The following GJB4 variants were observed in gnomAD, a reference collection of about 807,000 sequenced individuals.
GJB4 encodes the protein gap junction protein beta 4, also known as gap junction beta-4 protein.
For synonymous variants in GJB4, 162 were observed against 158.1 expected (o/e 1.02, Z -0.18); for missense variants, 371 against 363.8 (o/e 1.02, Z -0.16).
Position 34,761,697 on chromosome 1 carries a change from T to A in GJB4, c.443T>A (p.Ile148Asn), listed in dbSNP as rs1557652617. The change falls in exon 2 of 2, where the codon ATC becomes AAC. Residue 148 changes from isoleucine to asparagine, a missense_variant. Physicochemically the swap from Ile to Asn is moderately radical, Grantham distance 149. Transcript: ENST00000339480. This position sits in a 1 kb window ranked among gnomAD's most constrained non-coding sequence, Gnocchi z 4.4. ...KAAVDAGFLY[I>N]FHRLYKDYDM... ...GCCGTGGATGCTGGCTTCCTCTATA[T>A]CTTCCACCGCCTCTACAAGGATTAT... 7 of 1,614,134 alleles carry A rather than the reference T, an allele frequency of 4.3e-6. No homozygotes were observed. Among genetic ancestry groups the A allele is most frequent in the Non-Finnish European group, 5.9e-6 (7 of 1,180,032 alleles).
Position 34,761,870 on chromosome 1 carries a change from TTC to T in GJB4, c.618_619del (p.Phe206LeufsTer40), listed in dbSNP as rs1250933130. 6.2e-7 allele frequency: 1 copy of T among 1,614,080 alleles called. No homozygotes were observed. The highest frequency in any genetic ancestry group is 8.5e-7 in the Non-Finnish European group (1 of 1,180,046). On this transcript the variant is annotated frameshift_variant, in exon 2 of 2. Transcript: ENST00000339480. LOFTEE classifies it low-confidence loss of function (END_TRUNC). The surrounding 1 kb of genome is among the most constrained non-coding windows in gnomAD (Gnocchi z 4.4). ...ICILLNLSEV[F>X]YLVGKRCMEI... ...CATCCTGCTCAACCTCAGTGAAGTC[TTC>T]TACCTGGTGGGCAAGAGGTGCATGG...
rs1246104584 is a variant in GJB4, at chr1:34,762,135, C to T, written c.*80C>T. The stretch of plus-strand genomic sequence containing the variant: ...GAAAAAAGGCAGGGGCAGTGGCATC[C>T]TTGCCGTAGCAGGGTGGTGAGGAGG... On this transcript the variant is annotated 3_prime_UTR_variant, in exon 2 of 2. Transcript: ENST00000339480. The T allele has an allele frequency of 1.5e-6, 2 of 1,369,026 alleles. No homozygotes were observed. Among genetic ancestry groups the T allele is most frequent in the African/African-American group, 1.4e-5 (1 of 69,342 alleles). 84.8% of individuals were successfully genotyped at this position (1,369,026 alleles called of 1,614,324 possible).
chr1:34,761,772 T>C lies in GJB4; in HGVS notation c.518T>C (p.Val173Ala). The part of the protein sequence containing the change: ...ACSVEPCPHT[V>A]DCYISRPTEK... Reference sequence around the variant, plus strand: ...TCCGTGGAGCCTTGCCCCCACACTGTGGACTGTTACATCTCCCGGCCCACG... The same window carrying C: ...TCCGTGGAGCCTTGCCCCCACACTGCGGACTGTTACATCTCCCGGCCCACG... The change falls in exon 2 of 2, where the codon GTG becomes GCG. Residue 173 changes from valine (V) to alanine (A), a missense_variant. Val to Ala is a moderately conservative substitution (Grantham distance 64). Transcript: ENST00000339480. The surrounding 1 kb of genome is among the most constrained non-coding windows in gnomAD (Gnocchi z 4.4). 1 of 1,614,106 alleles carries C rather than the reference T, an allele frequency of 6.2e-7. No homozygotes were observed. The highest frequency in any genetic ancestry group is 8.5e-7 in the Non-Finnish European group (1 of 1,180,026).
intron 1 of GJB4, 25 bp from the exon 2 acceptor site, chr1:34,760,908 T>G (rs1388049837): frequency 2.6e-6 from 1 of 386,772 alleles, no homozygotes; most frequent in African/African-American, 2.1e-5. Flanking sequence ...GATGATTGTC[T>G]TCACATGTAT....
chr1:34,761,971 C>T lies in GJB4; in HGVS notation c.717C>T (p.Leu239=), dbSNP rs1265764289. The change falls in exon 2 of 2, where the codon CTC becomes CTT. Residue 239 remains leucine, a synonymous_variant. Transcript: ENST00000339480. The surrounding 1 kb of genome is among the most constrained non-coding windows in gnomAD (Gnocchi z 4.4). ...CCGATACGTGCCCACCATATGTCCT[C>T]TCCCAGGGAGGGCACCCTGAGGATG... ...CLPDTCPPYV[L]SQGGHPEDGN... 2.5e-6 allele frequency: 4 copies of T among 1,614,182 alleles called. No homozygotes were observed. The highest frequency in any genetic ancestry group is 2.2e-5 in the South Asian group (2 of 91,088).
Position 34,761,504 on chromosome 1 carries a change from GTCACGTGCCCC to G in GJB4, c.255_265del (p.Cys86AlafsTer68). ...CCTCTGGGCCCTACAGCTCATCCTGGTCACGTGCCCCTCACTGCTCGTGGTCATGCACGTGG... is the reference window on the plus strand; with the variant it reads ...CCTCTGGGCCCTACAGCTCATCCTGGTCACTGCTCGTGGTCATGCACGTGG... On this transcript the variant is annotated frameshift_variant, in exon 2 of 2. Transcript: ENST00000339480. LOFTEE classifies it low-confidence loss of function (END_TRUNC). This position sits in a 1 kb window ranked among gnomAD's most constrained non-coding sequence, Gnocchi z 4.4. The G allele has an allele frequency of 6.2e-7, 1 of 1,614,170 alleles. No individual in the cohort carries two copies. Among genetic ancestry groups the G allele is most frequent in the South Asian group, 1.1e-5 (1 of 91,078 alleles).
chr1:34,762,060 C>A lies in GJB4; in HGVS notation c.*5C>A, dbSNP rs376640390. ...GATGCAGGTGGGTATCCATAACCTGCGAGATCAGCAGATAAGATCAACAGG... is the reference window on the plus strand; with the variant it reads ...GATGCAGGTGGGTATCCATAACCTGAGAGATCAGCAGATAAGATCAACAGG... On this transcript the variant is annotated 3_prime_UTR_variant, in exon 2 of 2. Coordinates refer to ENST00000339480, the MANE Select transcript of GJB4 (RefSeq NM_153212.3). The A allele has an allele frequency of 1.9e-6, 3 of 1,608,634 alleles. No individual in the cohort carries two copies. The highest frequency in any genetic ancestry group is 1.3e-5 in the African/African-American group (1 of 74,794).
Position 34,761,741 on chromosome 1 carries a change from G to A in GJB4, c.487G>A (p.Ala163Thr). ...YKDYDMPRVV[A>T]CSVEPCPHTV... ...GGATTATGACATGCCCCGCGTGGTG[G>A]CCTGCTCCGTGGAGCCTTGCCCCCA... Residue 163 changes from alanine (A) to threonine (T), a missense_variant, in exon 2 of 2, where the codon GCC becomes ACC. Transcript: ENST00000339480. The surrounding 1 kb of genome is among the most constrained non-coding windows in gnomAD (Gnocchi z 4.4). 1 of 1,614,134 alleles carries A rather than the reference G, an allele frequency of 6.2e-7. No homozygotes were observed. The highest frequency in any genetic ancestry group is 8.5e-7 in the Non-Finnish European group (1 of 1,180,032).
At chr1:34,760,145 C>A (rs28675818) in intron 1 of GJB4, among the ~76,000 whole-genome samples, 7,406 of 152,124 alleles carry the variant, frequency 0.049, 354 homozygotes, top group East Asian at 0.27. Context: ...GGTAAATAGA[C>A]CATTTGGGTA....
chr1:34,761,463 C>T lies in GJB4; in HGVS notation c.209C>T (p.Pro70Leu), dbSNP rs1054915334. Residue 70 changes from proline (P) to leucine (L), a missense_variant, in exon 2 of 2, where the codon CCC becomes CTC. By Grantham distance (98) the Pro-to-Leu change is moderately conservative. Coordinates refer to ENST00000339480, the MANE Select transcript of GJB4 (RefSeq NM_153212.3). The surrounding 1 kb of genome is among the most constrained non-coding windows in gnomAD (Gnocchi z 4.4). ...CPNVCYDEFF[P>L]VSHVRLWALQ... is the part of the protein sequence containing the mutation. ...AACGTCTGCTATGACGAGTTCTTCCCCGTGTCCCACGTGCGCCTCTGGGCC... is the reference window on the plus strand; with the variant it reads ...AACGTCTGCTATGACGAGTTCTTCCTCGTGTCCCACGTGCGCCTCTGGGCC... 2 of 1,614,124 alleles carry T rather than the reference C, an allele frequency of 1.2e-6. No homozygotes were observed. Among genetic ancestry groups the T allele is most frequent in the African/African-American group, 1.3e-5 (1 of 75,074 alleles).
Position 34,759,793 on chromosome 1 carries a change from G to GGACC in GJB4, c.-323+8_-323+11dup, listed in dbSNP as rs1438446889. On this transcript the variant is annotated splice_donor_region_variant and intron_variant, in intron 1 of 1. Coordinates refer to ENST00000339480, the MANE Select transcript of GJB4 (RefSeq NM_153212.3). Reference sequence around the variant, plus strand: ...CAGCTACTGGACCCAAGAAGGGTGAGGACCGAATAGGGCAGGAGGCTGGCC... The same window carrying GGACC: ...CAGCTACTGGACCCAAGAAGGGTGAGGACCGACCGAATAGGGCAGGAGGCTGGCC... 1 of 152,516 alleles carries GGACC rather than the reference G, an allele frequency of 6.6e-6. No homozygotes were observed. The highest frequency in any genetic ancestry group is 2.4e-5 in the African/African-American group (1 of 41,466). 9.4% of individuals were successfully genotyped at this position (152,516 alleles called of 1,614,324 possible).
chr1:34,762,126 A>C lies in GJB4; in HGVS notation c.*71A>C. 1 of 1,425,520 alleles carries C rather than the reference A, an allele frequency of 7.0e-7. No homozygotes were observed. Among genetic ancestry groups the C allele is most frequent in the Non-Finnish European group, 9.7e-7 (1 of 1,032,260 alleles). The allele number at this position is 1,425,520 out of a possible 1,614,324, so 88.3% of individuals were successfully genotyped here. The stretch of plus-strand genomic sequence containing the variant: ...GCCACCCAGGAAAAAAGGCAGGGGC[A>C]GTGGCATCCTTGCCGTAGCAGGGTG... On this transcript the variant is annotated 3_prime_UTR_variant, in exon 2 of 2. Transcript: ENST00000339480.
At position 34,761,121 on chromosome 1, in the gene GJB4, G is replaced by A. The variant is rs1276550670; in HGVS notation, c.-134G>A. The A allele has an allele frequency of 5.1e-6, 4 of 783,780 alleles. No homozygotes were observed. The highest frequency in any genetic ancestry group is 1.7e-5 in the African/African-American group (1 of 58,592). 48.6% of individuals were successfully genotyped at this position (783,780 alleles called of 1,614,324 possible). On this transcript the variant is annotated 5_prime_UTR_variant, in exon 2 of 2. Transcript: ENST00000339480. The surrounding 1 kb of genome is among the most constrained non-coding windows in gnomAD (Gnocchi z 4.4). The stretch of plus-strand genomic sequence containing the variant: ...CATGATGACACGGTGATTGTGAAAA[G>A]ATTTTGTCAATCGCACCAGCATTAA...
chr1:34,760,035 T>C (rs920512255), intron 1 of GJB4, among the ~76,000 whole-genome samples: 1 of 152,182 alleles, frequency 6.6e-6, no homozygotes, highest in Non-Finnish European at 1.5e-5. Context: ...AACAAACATC[T>C]ATTGTGTGTT....
chr1:34,760,666 A>G (rs1194610841), intron 1 of GJB4, among the ~76,000 whole-genome samples: 2 of 152,260 alleles, frequency 1.3e-5, no homozygotes, highest in South Asian at 2.1e-4. Flanking sequence ...TCTGGGATTT[A>G]CCAAGGGGCT....
At chr1:34,760,843 A>G in intron 1 of GJB4, 90 bp from the exon 2 acceptor site, 1 of 320,148 alleles carries the variant, frequency 3.1e-6, no homozygotes. Context: ...CGGTCTCTTT[A>G]GAAGACATGG....
chr1:34,761,987 C>T lies in GJB4; in HGVS notation c.733C>T (p.Pro245Ser). The T allele has an allele frequency of 6.2e-7, 1 of 1,614,184 alleles. No homozygotes were observed. The highest frequency in any genetic ancestry group is 8.5e-7 in the Non-Finnish European group (1 of 1,180,008). ...ATATGTCCTCTCCCAGGGAGGGCAC[C>T]CTGAGGATGGGAACTCTGTCCTAAT... ...PPYVLSQGGH[P>S]EDGNSVLMKA... The change falls in exon 2 of 2, where the codon CCT becomes TCT. Residue 245 changes from proline to serine, a missense_variant. Coordinates refer to ENST00000339480, the MANE Select transcript of GJB4 (RefSeq NM_153212.3). The surrounding 1 kb of genome is among the most constrained non-coding windows in gnomAD (Gnocchi z 4.4).
rs1639697766 is a variant in GJB4, at chr1:34,760,915, G to T, written c.-322-18G>T. The T allele has an allele frequency of 1.0e-5, 4 of 397,594 alleles. No homozygotes were observed. The highest frequency in any genetic ancestry group is 6.1e-5 in the African/African-American group (3 of 48,800). The allele number at this position is 397,594 out of a possible 1,614,324, so 24.6% of individuals were successfully genotyped here. A position where few individuals can be genotyped will look rare whatever the true frequency, so the allele number is the denominator to read the frequency against. On this transcript the variant is annotated intron_variant, in intron 1 of 1. Coordinates refer to ENST00000339480, the MANE Select transcript of GJB4 (RefSeq NM_153212.3). ...CCATGCAGGATGATTGTCTTCACAT[G>T]TATCTATTACCTTGTAGAATAAGGT...
Position 34,761,629 on chromosome 1 carries a change from C to A in GJB4, c.375C>A (p.Gly125=). The change falls in exon 2 of 2, where the codon GGC becomes GGA. Residue 125 remains glycine (G), a synonymous_variant. Coordinates refer to ENST00000339480, the MANE Select transcript of GJB4 (RefSeq NM_153212.3). This position sits in a 1 kb window ranked among gnomAD's most constrained non-coding sequence, Gnocchi z 4.4. The part of the protein sequence containing the change: ...SLYDNLSKKR[G]GLWWTYLLSL... The stretch of plus-strand genomic sequence containing the variant: ...ACGACAACCTGAGCAAGAAGCGGGG[C>A]GGACTGTGGTGGACGTACTTGCTGA... 2 of 1,614,204 alleles carry A rather than the reference C, an allele frequency of 1.2e-6. No homozygotes were observed. Among genetic ancestry groups the A allele is most frequent in the Non-Finnish European group, 1.7e-6 (2 of 1,180,028 alleles).
Sources: gnomAD v4.1 joint callset for allele counts (sites outside exome capture counted in the v4.1 genomes callset) on GRCh38, gnomAD v4.1.1 for gene constraint, Gnocchi (gnomAD v3.1) non-coding constraint, MANE v1.5 for transcripts, NCBI Gene and HGNC (gene_info 2026-07-23, HGNC 2026-07-21) for gene names.